The following LRRK1 variants were observed in gnomAD, a reference collection of about 807,000 sequenced individuals.
LRRK1 encodes leucine rich repeat kinase 1, also known as leucine-rich repeat serine/threonine-protein kinase 1.
In LRRK1, 113 loss-of-function variants were observed where a neutral mutation model predicts 209.1. The observed-to-expected ratio is 0.54, with a 90% CI of 0.46 to 0.63. The LOEUF is 0.63. LRRK1 is among the 30% of genes least tolerant of loss of function. The pLI, the probability that LRRK1 is intolerant of heterozygous loss-of-function variation, is 0.00. For synonymous variants in LRRK1, 1,144 were observed against 1,099.7 expected (o/e 1.04, Z -0.80); for missense variants, 2,284 against 2,632.2 (o/e 0.87, Z 2.89).
At chr15:100,962,808 T>TATATATATACACATATATATATAC in intron 2 of LRRK1, among the ~76,000 whole-genome samples, 1 of 28,688 alleles carries the variant, frequency 3.5e-5, no homozygotes, top group African/African-American at 1.1e-4. Flanking sequence ...TATATATATA[T>TATATATATACACATATATATATAC]ATATATATAT....
chr15:101,064,122 C>G (rs2036376924), intron 31 of LRRK1, among the ~76,000 whole-genome samples: 1 of 152,264 alleles, frequency 6.6e-6, no homozygotes, highest in Admixed American at 6.5e-5. Flanking sequence ...GCACTCACCG[C>G]CCTGGCCGGG....
At position 101,020,501 on chromosome 15, in the gene LRRK1, G is replaced by A. The variant is rs545605462; in HGVS notation, c.1610-552G>A. 1.4e-4 allele frequency among the ~76,000 whole-genome samples: 20 copies of A among 147,860 alleles called. No homozygotes were observed. The East Asian group carries it at 1.8e-3, about 14-fold the overall frequency. ...GTAATTCTCCTGCCTCAGCCCCCCC[G>A]AGTAGCTGGGATTACAGGTGCCCAC... On this transcript the variant is annotated intron_variant, in intron 12 of 33. Coordinates refer to ENST00000388948, the MANE Select transcript of LRRK1 (RefSeq NM_024652.6).
chr15:101,074,113 C>T lies in LRRK1; in HGVS notation c.*5265C>T, dbSNP rs1426943754. The T allele has an allele frequency of 2.0e-5, 3 of 152,160 alleles. No individual in the cohort carries two copies. In the East Asian group the frequency reaches 5.8e-4, roughly 29 times the overall value. The allele number at this position is 152,160 out of a possible 1,614,324, so 9.4% of individuals were successfully genotyped here. On this transcript the variant is annotated 3_prime_UTR_variant, in exon 34 of 34. Coordinates refer to ENST00000388948, the MANE Select transcript of LRRK1 (RefSeq NM_024652.6). ...CCAGTGCAACTCATCCCAAATCTTC[C>T]TTCTTTCCCTCCCGCCTGTCTCCTC...
chr15:100,956,722 CA>C (rs1393043330), intron 2 of LRRK1, among the ~76,000 whole-genome samples: 3 of 152,040 alleles, frequency 2.0e-5, no homozygotes, highest in African/African-American at 7.2e-5. Context: ...CTTGGCCTCC[CA>C]AAGTGCTGGG....
chr15:101,020,567 G>A (rs527320370), intron 12 of LRRK1, among the ~76,000 whole-genome samples: 6 of 151,786 alleles, frequency 4.0e-5, no homozygotes, highest in Admixed American at 1.3e-4. Context: ...GTAGAGACAG[G>A]GTTTTACCAT....
Position 101,051,825 on chromosome 15 carries a change from T to C in LRRK1, c.3554T>C (p.Val1185Ala). 1 of 1,614,110 alleles carries C rather than the reference T, an allele frequency of 6.2e-7. No homozygotes were observed. Among genetic ancestry groups the C allele is most frequent in the Non-Finnish European group, 8.5e-7 (1 of 1,180,016 alleles). The change falls in exon 24 of 34, where the codon GTG becomes GCG. Residue 1185 changes from valine to alanine, a missense_variant. Physicochemically the swap from Val to Ala is moderately conservative, Grantham distance 64. This residue lies in a region of LRRK1 where 780 missense variants were observed against 985.2 expected (regional missense o/e 0.79). Transcript: ENST00000388948. The stretch of plus-strand genomic sequence containing the variant: ...GACCCCAGTGAGAAATCAGAGGATG[T>C]GCAGTACTTCGACATGGAAGACTGT... The part of the protein sequence containing the change: ...HTDPSEKSED[V>A]QYFDMEDCVL...
At chr15:100,989,440 G>A (rs1351775412) in intron 6 of LRRK1, 42 bp downstream of exon 6, 1 of 1,603,724 alleles carries the variant, frequency 6.2e-7, no homozygotes, top group African/African-American at 1.3e-5. Context: ...AGTTCCTTTT[G>A]TGCTGCTGTA....
intron 9 of LRRK1, 81 bp downstream of exon 9, chr15:101,010,918 T>C (rs2141694102): frequency 7.6e-7 from 1 of 1,322,528 alleles, no homozygotes; most frequent in South Asian, 1.4e-5. Context: ...AGGTGCATTA[T>C]GTCAGTTCAT....
rs1362826897 is a variant in LRRK1 at position 100,919,608 on chromosome 15, G to A, written c.-123+157G>A. ...GGCGGCCGCGTGGTCGGGCACGGGG[G>A]GCCGTTGCGCAGGGGCCGCGGCCCG... is the stretch of plus-strand genomic sequence containing the variant. On this transcript the variant is annotated intron_variant, in intron 1 of 33. Coordinates refer to ENST00000388948, the MANE Select transcript of LRRK1 (RefSeq NM_024652.6). The surrounding 1 kb of genome is among the most constrained non-coding windows in gnomAD (Gnocchi z 5.8). Among the ~76,000 whole-genome samples, 1 of 149,662 alleles carries A rather than the reference G, an allele frequency of 6.7e-6. No individual in the cohort carries two copies. The highest frequency in any genetic ancestry group is 1.5e-5 in the Non-Finnish European group (1 of 67,154).
chr15:101,031,360 C>T (rs1019152127), intron 20 of LRRK1, among the ~76,000 whole-genome samples: 23 of 152,318 alleles, frequency 1.5e-4, no homozygotes, highest in Admixed American at 6.5e-4. Context: ...CACAGAGTCA[C>T]GCAATATGGT....
chr15:101,001,999 G>A (rs1165834749), intron 6 of LRRK1, among the ~76,000 whole-genome samples: 1 of 152,164 alleles, frequency 6.6e-6, no homozygotes, highest in South Asian at 2.1e-4. Context: ...ATGTCACAGG[G>A]GCCAGGAATC....
intron 2 of LRRK1, among the ~76,000 whole-genome samples, chr15:100,952,544 A>G (rs916135449): frequency 1.3e-5 from 2 of 152,284 alleles, no homozygotes; most frequent in South Asian, 4.1e-4. Context: ...ATCTGATCAT[A>G]TATTTTTCCA....
In LRRK1 at chr15:101,048,476, C is replaced by A; in HGVS notation, c.3136-18C>A. On this transcript the variant is annotated intron_variant, in intron 21 of 33. Coordinates refer to ENST00000388948, the MANE Select transcript of LRRK1 (RefSeq NM_024652.6). ...GGAGCCCAGAATACTTAAGCAGGGT[C>A]TTTTCTCTGTCTTTCAGCTTTTTGA... The A allele has an allele frequency of 6.2e-7, 1 of 1,600,292 alleles. No homozygotes were observed. The highest frequency in any genetic ancestry group is 1.7e-4 in the Middle Eastern group (1 of 6,012).
At chr15:100,988,291 CT>C (rs34653298) in intron 4 of LRRK1, among the ~76,000 whole-genome samples, 70,268 of 151,186 alleles carry the variant, frequency 0.46, 17,380 homozygotes, top group African/African-American at 0.65. Context: ...AACCTTCCCC[CT>C]TTTCCCTCCC....
chr15:101,001,077 C>T (rs1405766047), intron 6 of LRRK1, among the ~76,000 whole-genome samples: 1 of 152,156 alleles, frequency 6.6e-6, no homozygotes, highest in Non-Finnish European at 1.5e-5. Context: ...AGAAAACCCA[C>T]AATGAATATT....
chr15:101,056,244 A>T (rs2035785845), intron 27 of LRRK1, among the ~76,000 whole-genome samples: 5 of 152,222 alleles, frequency 3.3e-5, no homozygotes, highest in Admixed American at 3.3e-4. Flanking sequence ...GTGATCCAGG[A>T]GACGCTCCTT....
intron 2 of LRRK1, among the ~76,000 whole-genome samples, chr15:100,929,273 G>A (rs958535300): frequency 2.2e-4 from 31 of 141,878 alleles, no homozygotes; most frequent in African/African-American, 7.1e-4. Flanking sequence ...GCAGTGGCTC[G>A]CCCCCCCAGC....
intron 2 of LRRK1, among the ~76,000 whole-genome samples, chr15:100,973,107 C>T (rs2141652074): frequency 6.6e-6 from 1 of 152,372 alleles, no homozygotes; most frequent in Non-Finnish European, 1.5e-5. Flanking sequence ...GCTCGGCCTG[C>T]CGTGGCCGCC....
intron 9 of LRRK1, among the ~76,000 whole-genome samples, chr15:101,011,118 A>G (rs2033216747): frequency 6.6e-6 from 1 of 152,094 alleles, no homozygotes; most frequent in African/African-American, 2.4e-5. Context: ...CTGGCACAGG[A>G]CGACTCATGC....
Sources: gnomAD v4.1 joint callset for allele counts (sites outside exome capture counted in the v4.1 genomes callset) on GRCh38, gnomAD v4.1.1 for gene constraint, gnomAD v4.1.1 regional missense constraint, Gnocchi (gnomAD v3.1) non-coding constraint, MANE v1.5 for transcripts, NCBI Gene and HGNC (gene_info 2026-07-23, HGNC 2026-07-21) for gene names.